MAGI2: variants seen among roughly 807,000 people sequenced by gnomAD.
MAGI2 encodes membrane associated guanylate kinase, WW and PDZ domain containing 2.
In MAGI2, 35 loss-of-function variants were observed where a neutral mutation model predicts 133.3. The ratio of observed to expected loss-of-function variants is 0.26; its 90% CI spans 0.20 to 0.35. The LOEUF (loss-of-function observed/expected upper bound fraction) is 0.35, where lower values mean the gene tolerates loss of function less well. MAGI2 is among the 10% of genes least tolerant of loss of function. The probability of loss-of-function intolerance (pLI) is 1.00; values close to 1 mark genes in which losing one functional copy is unlikely to be tolerated. For missense variants in MAGI2, 1,636 were observed against 1,863.4 expected, an observed-to-expected ratio of 0.88 and a Z score of 2.25; for synonymous variants, 729 against 710.6, an observed-to-expected ratio of 1.03 and a Z score of -0.41.
chr7:78,220,770 A>C (rs1201671828), intron 10 of MAGI2, among the ~76,000 whole-genome samples: 1 of 152,212 alleles, frequency 6.6e-6, no homozygotes, highest in Non-Finnish European at 1.5e-5. Context: ...CAATTTAATG[A>C]TGTACCATGA....
chr7:79,008,176 C>T (rs561926420), intron 1 of MAGI2, among the ~76,000 whole-genome samples: 1 of 152,034 alleles, frequency 6.6e-6, no homozygotes, highest in South Asian at 2.1e-4. Flanking sequence ...GGAAATTGAG[C>T]CAAGACAAAC....
chr7:78,647,884 A>C (rs925246836), intron 2 of MAGI2, among the ~76,000 whole-genome samples: 2 of 152,268 alleles, frequency 1.3e-5, no homozygotes, highest in Middle Eastern at 3.4e-3. Flanking sequence ...TTCTCAGCAA[A>C]ATATCACAAG....
chr7:78,258,111 G>A (rs1793168978), intron 9 of MAGI2, among the ~76,000 whole-genome samples: 1 of 152,206 alleles, frequency 6.6e-6, no homozygotes, highest in Non-Finnish European at 1.5e-5. Context: ...TCTAGAAAAT[G>A]TCACAACCTA....
chr7:78,979,109 T>A (rs778584958), intron 2 of MAGI2, among the ~76,000 whole-genome samples: 8 of 151,892 alleles, frequency 5.3e-5, no homozygotes, highest in Non-Finnish European at 1.2e-4. Context: ...TATTTTTAGA[T>A]GTGTGTATGC....
chr7:79,268,999 G>T (rs575638725), intron 1 of MAGI2, among the ~76,000 whole-genome samples: 1 of 152,096 alleles, frequency 6.6e-6, no homozygotes. Context: ...TCTTCCCCAC[G>T]TCATTCCCAC....
chr7:78,836,082 A>G (rs1584088729), intron 2 of MAGI2, among the ~76,000 whole-genome samples: 1 of 152,230 alleles, frequency 6.6e-6, no homozygotes, highest in Non-Finnish European at 1.5e-5. Context: ...TGCAGCCACC[A>G]TATTAGCAGA....
chr7:78,922,978 G>T (rs956794933), intron 2 of MAGI2, among the ~76,000 whole-genome samples: 2 of 152,060 alleles, frequency 1.3e-5, no homozygotes, highest in African/African-American at 4.8e-5. Context: ...TCTTTTGGCT[G>T]CATAAATGTC....
At chr7:78,145,233 A>C (rs923500808) in intron 16 of MAGI2, among the ~76,000 whole-genome samples, 1 of 152,148 alleles carries the variant, frequency 6.6e-6, no homozygotes, top group Non-Finnish European at 1.5e-5. Context: ...ATCCAGCATT[A>C]CTATTGAGAG....
intron 6 of MAGI2, among the ~76,000 whole-genome samples, chr7:78,379,787 A>G (rs1794755846): frequency 6.6e-6 from 1 of 152,066 alleles, no homozygotes; most frequent in African/African-American, 2.4e-5. Context: ...CACTCGCCAA[A>G]ATTGTTAGAT....
chr7:78,609,084 A>G (rs1396453010), intron 3 of MAGI2, among the ~76,000 whole-genome samples: 2 of 152,164 alleles, frequency 1.3e-5, no homozygotes, highest in Non-Finnish European at 2.9e-5. Context: ...CCAGTCTTAC[A>G]TTTTCACGTT....
chr7:78,120,212 C>G (rs894801417), intron 20 of MAGI2, among the ~76,000 whole-genome samples: 10 of 152,180 alleles, frequency 6.6e-5, no homozygotes, highest in African/African-American at 2.4e-4. Flanking sequence ...ACCATCCTGG[C>G]TAACACGGTG....
chr7:79,136,003 G>GAAAGAAAGAAAGAAAGAAAGAGAA (rs749343638), intron 1 of MAGI2, among the ~76,000 whole-genome samples: 49 of 40,896 alleles, frequency 1.2e-3, no homozygotes, highest in Non-Finnish European at 1.6e-3. Flanking sequence ...AAGAAAGAAA[G>GAAAGAAAGAAAGAAAGAAAGAGAA]AGAAAGAAAG....
At chr7:78,950,971 T>A (rs1369085696) in intron 2 of MAGI2, among the ~76,000 whole-genome samples, 1 of 142,060 alleles carries the variant, frequency 7.0e-6, no homozygotes, top group Non-Finnish European at 1.5e-5. Context: ...AACGTTAGCT[T>A]TTTTTTTTTT....
At chr7:78,480,633 T>C (rs1327582934) in intron 6 of MAGI2, among the ~76,000 whole-genome samples, 3 of 151,900 alleles carry the variant, frequency 2.0e-5, no homozygotes, top group Non-Finnish European at 2.9e-5. Context: ...ATAAGAAATA[T>C]CTTATGATTA....
intron 1 of MAGI2, among the ~76,000 whole-genome samples, chr7:79,337,154 G>A (rs1056685802): frequency 2.0e-5 from 3 of 152,178 alleles, no homozygotes; most frequent in African/African-American, 7.2e-5. Context: ...ATTGAAAACA[G>A]AAGTCTATTT....
rs149340907 is a variant in MAGI2 at position 78,520,200 on chromosome 7, C to T, written c.754+1230G>A. On this transcript the variant is annotated intron_variant, in intron 4 of 21. Transcript: ENST00000354212. ...CTCTGAGTAATCAAGATGAAAGCAC[C>T]TTAGGTTTTATACCTTGATTAGCAC... 5.6e-4 allele frequency among the ~76,000 whole-genome samples: 85 copies of T among 152,178 alleles called. 1 individual carries two copies. Among genetic ancestry groups the T allele is most frequent in the African/African-American group, 2.0e-3 (81 of 41,522 alleles).
intron 5 of MAGI2, among the ~76,000 whole-genome samples, chr7:78,498,428 T>C (rs769322701): frequency 6.6e-6 from 1 of 152,170 alleles, no homozygotes; most frequent in East Asian, 1.9e-4. Flanking sequence ...TTCTTTGTCA[T>C]AGAAGCAAAG....
intron 2 of MAGI2, among the ~76,000 whole-genome samples, chr7:78,729,588 T>C (rs1286671223): frequency 6.6e-6 from 1 of 152,218 alleles, no homozygotes; most frequent in Non-Finnish European, 1.5e-5. Context: ...GACTAGGTGC[T>C]AAGGATACAG....
chr7:78,213,343 A>G (rs1787952659), intron 10 of MAGI2, among the ~76,000 whole-genome samples: 1 of 152,176 alleles, frequency 6.6e-6, no homozygotes, highest in Non-Finnish European at 1.5e-5. Context: ...AGAAGTCCTG[A>G]TAAAGGTTAT....
Sources: allele counts gnomAD v4.1 joint callset (sites outside exome capture counted in the v4.1 genomes callset), GRCh38; gene constraint gnomAD v4.1.1; transcripts MANE v1.5; gene names NCBI Gene and HGNC (gene_info 2026-07-23, HGNC 2026-07-21).